C8orf34: variants seen among roughly 807,000 people sequenced by gnomAD.
C8orf34 encodes uncharacterized protein C8orf34.
Under a neutral mutation model 68.3 loss-of-function variants are expected in C8orf34, and 65 were observed. That is an observed-to-expected ratio of 0.95 (90% CI 0.78 to 1.17). C8orf34 has a LOEUF of 1.17. C8orf34 is among the 50% of genes most tolerant of loss of function. C8orf34 has a pLI of 0.00. For synonymous variants in C8orf34, 244 were observed against 241.2 expected (o/e 1.01, Z -0.11); for missense variants, 664 against 655.4 (o/e 1.01, Z -0.14).
chr8:68,807,553 A>G (rs1824522392), intron 12 of C8orf34, among the ~76,000 whole-genome samples: 3 of 151,914 alleles, frequency 2.0e-5, no homozygotes. Context: ...TTTCTTATTA[A>G]GCATATTTAT....
chr8:68,498,494 T>C (rs559831615), intron 5 of C8orf34, among the ~76,000 whole-genome samples: 2 of 152,306 alleles, frequency 1.3e-5, no homozygotes, highest in East Asian at 3.9e-4. Context: ...TTGTCTCTAG[T>C]GGGAGGTACT....
chr8:68,774,349 A>ATATAT (rs562858909), intron 10 of C8orf34, among the ~76,000 whole-genome samples: 6 of 147,768 alleles, frequency 4.1e-5, no homozygotes, highest in South Asian at 2.1e-4. Context: ...ATATATATAT[A>ATATAT]AAATAAACAA....
chr8:68,738,150 T>A (rs1366807764), intron 10 of C8orf34, among the ~76,000 whole-genome samples: 2 of 152,022 alleles, frequency 1.3e-5, no homozygotes, highest in Non-Finnish European at 2.9e-5. Flanking sequence ...AGAAATTCAA[T>A]CAAAACAGTA....
At chr8:68,332,316 A>G (rs1425905542) in intron 1 of C8orf34, among the ~76,000 whole-genome samples, 3 of 123,932 alleles carry the variant, frequency 2.4e-5, no homozygotes, top group Non-Finnish European at 5.4e-5. Context: ...GGGGGCACTG[A>G]CCGGCGGCGA....
chr8:68,413,475 T>A (rs183821577), intron 1 of C8orf34, among the ~76,000 whole-genome samples: 1 of 152,292 alleles, frequency 6.6e-6, no homozygotes, highest in Admixed American at 6.5e-5. Context: ...CACATTAATT[T>A]AATAATTACT....
chr8:68,394,966 C>T (rs1808631830), intron 1 of C8orf34, among the ~76,000 whole-genome samples: 1 of 152,002 alleles, frequency 6.6e-6, no homozygotes, highest in South Asian at 2.1e-4. Flanking sequence ...TCAATGTTTG[C>T]AGTTTAAATT....
intron 7 of C8orf34, among the ~76,000 whole-genome samples, chr8:68,589,486 G>GAAGA (rs543231740): frequency 6.8e-6 from 1 of 146,012 alleles, no homozygotes; most frequent in Non-Finnish European, 1.5e-5. Context: ...GGAAAAGAAA[G>GAAGA]AAGAAAGAAA....
intron 1 of C8orf34, among the ~76,000 whole-genome samples, chr8:68,400,965 G>C (rs969286064): frequency 5.3e-5 from 8 of 152,120 alleles, no homozygotes; most frequent in East Asian, 1.9e-4. Flanking sequence ...GATTGCTTGG[G>C]CAGTGTGGTC....
At chr8:68,671,904 A>T (rs1395143289) in intron 8 of C8orf34, among the ~76,000 whole-genome samples, 2 of 152,176 alleles carry the variant, frequency 1.3e-5, no homozygotes, top group Non-Finnish European at 2.9e-5. Flanking sequence ...TCTTTGTGCT[A>T]GATACAGTAT....
chr8:68,794,721 A>C (rs1190150081), intron 12 of C8orf34, among the ~76,000 whole-genome samples: 5 of 151,404 alleles, frequency 3.3e-5, no homozygotes, highest in Admixed American at 2.6e-4. Flanking sequence ...CCCTTGGTTC[A>C]AGTGATCTGT....
chr8:68,595,884 A>G lies in C8orf34; in HGVS notation c.1106-44492A>G, dbSNP rs557414493. On this transcript the variant is annotated intron_variant, in intron 7 of 13. Transcript: ENST00000518698. ...ATCTATGCTTATATTTAACAATTTC[A>G]GTTATTTATTTCAAATAATGCCTGT... 7.1e-4 allele frequency among the ~76,000 whole-genome samples: 108 copies of G among 152,158 alleles called. 1 individual carries two copies. Among genetic ancestry groups the G allele is most frequent in the African/African-American group, 2.5e-3 (104 of 41,532 alleles).
intron 8 of C8orf34, among the ~76,000 whole-genome samples, chr8:68,651,856 A>C (rs1319773457): frequency 1.3e-5 from 2 of 152,172 alleles, no homozygotes; most frequent in Non-Finnish European, 2.9e-5. Context: ...TCTATTATGC[A>C]GTATACCTAT....
At chr8:68,606,979 A>G (rs947576133) in intron 7 of C8orf34, among the ~76,000 whole-genome samples, 2 of 152,070 alleles carry the variant, frequency 1.3e-5, no homozygotes, top group African/African-American at 2.4e-5. Flanking sequence ...TTGCACAGTG[A>G]TATCTCTCAG....
chr8:68,596,523 G>A (rs902572715), intron 7 of C8orf34, among the ~76,000 whole-genome samples: 1 of 152,096 alleles, frequency 6.6e-6, no homozygotes. Context: ...TGAGACTCCT[G>A]TATTAGAGAC....
chr8:68,587,860 A>G (rs192078882), intron 7 of C8orf34, among the ~76,000 whole-genome samples: 20 of 152,236 alleles, frequency 1.3e-4, no homozygotes, highest in Admixed American at 1.1e-3. Flanking sequence ...AAAGGTCATG[A>G]GACAGAGAGA....
At chr8:68,625,787 T>G in intron 7 of C8orf34, 1 of 481,120 alleles carries the variant, frequency 2.1e-6, no homozygotes, top group South Asian at 3.8e-5. Flanking sequence ...GTCTCCAAAT[T>G]TGATTCTTTT....
At chr8:68,602,748 C>T (rs1294100146) in intron 7 of C8orf34, among the ~76,000 whole-genome samples, 4 of 151,932 alleles carry the variant, frequency 2.6e-5, no homozygotes, top group Non-Finnish European at 5.9e-5. Flanking sequence ...CGTACTAGAT[C>T]GTTGACATCA....
chr8:68,446,293 C>T (rs569342311), intron 2 of C8orf34, 36 bp from the exon 3 acceptor site: 2 of 1,538,084 alleles, frequency 1.3e-6, no homozygotes, highest in East Asian at 2.3e-5. Context: ...CTTGAAATCA[C>T]TTTGTTGCCA....
chr8:68,361,650 A>G (rs575319493), intron 1 of C8orf34, among the ~76,000 whole-genome samples: 5 of 152,346 alleles, frequency 3.3e-5, no homozygotes, highest in African/African-American at 1.2e-4. Context: ...TCTGTGGTTA[A>G]CCACATTGTT....
Sources: gnomAD v4.1 joint callset for allele counts (sites outside exome capture counted in the v4.1 genomes callset) on GRCh38, gnomAD v4.1.1 for gene constraint, MANE v1.5 for transcripts, NCBI Gene and HGNC (gene_info 2026-07-23, HGNC 2026-07-21) for gene names.